Variants in FBXO3 observed in about 807,000 individuals in gnomAD.
FBXO3 encodes F-box only protein 3.
A neutral mutation model predicts 64.8 loss-of-function variants in FBXO3; 17 were observed. That is an observed-to-expected ratio of 0.26 (90% CI 0.18 to 0.39). FBXO3 has a LOEUF of 0.39. Among genes scored for constraint, FBXO3 ranks in the 10% least tolerant of loss-of-function variants. The probability of loss-of-function intolerance (pLI) is 1.00; values close to 1 mark genes in which losing one functional copy is unlikely to be tolerated. For synonymous variants in FBXO3, 182 were observed against 201.6 expected, an observed-to-expected ratio of 0.90 and a Z score of 0.82; for missense variants, 420 against 589.9, an observed-to-expected ratio of 0.71 and a Z score of 2.98.
At position 33,742,034 on chromosome 11, in the gene FBXO3, TTCC is replaced by T. The variant is rs745784212; in HGVS notation, c.1287_1289del (p.Glu433del). On this transcript the variant is annotated inframe_deletion, in exon 11 of 11. Coordinates refer to ENST00000265651, the MANE Select transcript of FBXO3 (RefSeq NM_012175.4). Reference sequence around the variant, plus strand: ...AATCATCATCCTCGTCTTCCTCCTCTTCCTCCTCCTCCTCTTCTTCCATCTCTT... The same window carrying T: ...AATCATCATCCTCGTCTTCCTCCTCTTCCTCCTCCTCTTCTTCCATCTCTT... The T allele has an allele frequency of 8.2e-4, 1,312 of 1,604,998 alleles. 17 individuals carry two copies. The East Asian group carries it at 0.017, about 20-fold the overall frequency.
Position 33,754,228 on chromosome 11 carries a change from C to A in FBXO3, c.724+227G>T, listed in dbSNP as rs1855033871. On this transcript the variant is annotated intron_variant, in intron 6 of 10. Coordinates refer to ENST00000265651, the MANE Select transcript of FBXO3 (RefSeq NM_012175.4). ...TTGCCTTATAGAAGAGTCCTCAGAG[C>A]ATGAGATTGTATATGGACTAGCTTT... is the stretch of plus-strand genomic sequence containing the variant. 9 of 432,316 alleles carry A rather than the reference C, an allele frequency of 2.1e-5. No individual in the cohort carries two copies. In the South Asian group the frequency reaches 4.6e-4, roughly 22 times the overall value. The allele number at this position is 432,316 out of a possible 1,614,324, so 26.8% of individuals were successfully genotyped here. A position where few individuals can be genotyped will look rare whatever the true frequency, so the allele number is the denominator to read the frequency against.
Position 33,774,493 on chromosome 11 carries a change from G to A in FBXO3, c.5C>T (p.Ala2Val). The change falls in exon 1 of 11, where the codon GCG becomes GTG. Residue 2 changes from alanine to valine, a missense_variant. By Grantham distance (64) the Ala-to-Val change is moderately conservative. This residue lies in a region of FBXO3 where 26 missense variants were observed against 16.1 expected (regional missense o/e 1.62). Transcript: ENST00000265651. The part of the protein sequence containing the change: M[A>V]AMETETAPLT... ...CGGCGCCGTCTCGGTCTCCATGGCC[G>A]CCATCTTGCCTGGCCCGGTGCAGGT... The A allele has an allele frequency of 6.4e-7, 1 of 1,556,764 alleles. No individual in the cohort carries two copies. Among genetic ancestry groups the A allele is most frequent in the African/African-American group, 1.4e-5 (1 of 72,342 alleles).
chr11:33,773,116 G>A (rs984838135), intron 1 of FBXO3: 8 of 152,258 alleles, frequency 5.3e-5, no homozygotes, highest in South Asian at 2.1e-4. Context: ...AGATATACAA[G>A]CCAGATGATA....
At chr11:33,747,664 A>AT (rs1854850215) in intron 9 of FBXO3, among the ~76,000 whole-genome samples, 1 of 152,106 alleles carries the variant, frequency 6.6e-6, no homozygotes. Context: ...AGCACCTGCC[A>AT]TGATGCCCAG....
chr11:33,752,512 A>G (rs2133600817), intron 6 of FBXO3, among the ~76,000 whole-genome samples: 1 of 152,306 alleles, frequency 6.6e-6, no homozygotes, highest in African/African-American at 2.4e-5. Context: ...TATTCTATTT[A>G]GGGAATGATA....
At chr11:33,765,939 C>T (rs976382336) in intron 3 of FBXO3, among the ~76,000 whole-genome samples, 8 of 152,136 alleles carry the variant, frequency 5.3e-5, no homozygotes, top group Admixed American at 1.3e-4. Context: ...CCTGCAGAAT[C>T]GTGAACCAAT....
rs74993946 is a variant in FBXO3, at chr11:33,762,986, T to A, written c.359-4385A>T. 3.4e-3 allele frequency among the ~76,000 whole-genome samples: 523 copies of A among 152,218 alleles called. 2 individuals are homozygous for A. Among genetic ancestry groups the A allele is most frequent in the African/African-American group, 0.012 (497 of 41,542 alleles). On this transcript the variant is annotated intron_variant, in intron 3 of 10. Transcript: ENST00000265651. ...AAGATAAGAGGATATTATGAAAAAC[T>A]TCATGTCAATAGATTTGAAAATAGA...
chr11:33,758,669 TCTG>T, intron 3 of FBXO3, 68 bp from the exon 4 acceptor site: 1 of 1,049,348 alleles, frequency 9.5e-7, no homozygotes, highest in Non-Finnish European at 1.4e-6. Context: ...ATGCAATCTA[TCTG>T]CTAACTAATG....
At chr11:33,752,634 G>A (rs1854990996) in intron 6 of FBXO3, among the ~76,000 whole-genome samples, 1 of 152,088 alleles carries the variant, frequency 6.6e-6, no homozygotes, top group African/African-American at 2.4e-5. Flanking sequence ...ATCTATTAAT[G>A]ACCCATTCTG....
intron 1 of FBXO3, chr11:33,774,161 T>A (rs1290203686): frequency 1.0e-5 from 5 of 476,460 alleles, no homozygotes; most frequent in Non-Finnish European, 1.9e-5. Flanking sequence ...GAGAGAGATA[T>A]CTCGTCGCTT....
intron 3 of FBXO3, among the ~76,000 whole-genome samples, chr11:33,768,135 A>T (rs1182673716): frequency 6.6e-6 from 1 of 151,774 alleles, no homozygotes; most frequent in African/African-American, 2.4e-5. Context: ...ACATCTATAC[A>T]ATGCCTTTCA....
intron 1 of FBXO3, chr11:33,772,763 C>G (rs1855539812): frequency 6.6e-6 from 1 of 152,174 alleles, no homozygotes; most frequent in African/African-American, 2.4e-5. Flanking sequence ...TTGTTCACTA[C>G]TGTACCCTCA....
At position 33,741,704 on chromosome 11, in the gene FBXO3, C is replaced by T. The variant is rs77561839; in HGVS notation, c.*204G>A. On this transcript the variant is annotated 3_prime_UTR_variant, in exon 11 of 11. Transcript: ENST00000265651. ...CTCCTGGAAGAGAAAAAAAAGATTC[C>T]CATTTCTTCCTCTACCTCAAAAACA... 1.4e-3 allele frequency: 575 copies of T among 403,494 alleles called. 1 individual carries two copies. Among genetic ancestry groups the T allele is most frequent in the Non-Finnish European group, 2.1e-3 (484 of 233,830 alleles). 25.0% of individuals were successfully genotyped at this position (403,494 alleles called of 1,614,324 possible).
intron 3 of FBXO3, among the ~76,000 whole-genome samples, chr11:33,760,570 A>T (rs538398761): frequency 3.3e-4 from 50 of 152,260 alleles, no homozygotes; most frequent in African/African-American, 1.1e-3. Context: ...GTTTGAGCCC[A>T]GGAGTTGGAG....
chr11:33,746,156 A>T (rs1854808190), intron 10 of FBXO3: 1 of 152,760 alleles, frequency 6.5e-6, no homozygotes, highest in Admixed American at 6.5e-5. Context: ...AGATAACTTC[A>T]GTGATGAATC....
intron 9 of FBXO3, 116 bp downstream of exon 9, chr11:33,748,661 A>C: frequency 3.6e-6 from 2 of 548,386 alleles, no homozygotes; most frequent in East Asian, 5.8e-5. Flanking sequence ...TTAATGCTTA[A>C]GGGATTAAAT....
Position 33,758,577 on chromosome 11 carries a change from T to C in FBXO3, c.383A>G (p.Asp128Gly). 6.2e-7 allele frequency: 1 copy of C among 1,608,104 alleles called. No homozygotes were observed. Among genetic ancestry groups the C allele is most frequent in the Non-Finnish European group, 8.5e-7 (1 of 1,175,570 alleles). Residue 128 changes from aspartate (D) to glycine (G), a missense_variant, in exon 4 of 11, where the codon GAT (aspartate) becomes GGT (glycine). Physicochemically the swap from Asp to Gly is moderately conservative, Grantham distance 94. Coordinates refer to ENST00000265651, the MANE Select transcript of FBXO3 (RefSeq NM_012175.4). ...LKEGAREEDL[D>G]AVEAQIGCKL... is the part of the protein sequence containing the mutation. ...GCAGCCAATCTGCGCTTCCACAGCA[T>C]CGAGGTCTTCCTCTCGAGCACCCTC...
At chr11:33,756,112 C>T in intron 4 of FBXO3, 137 bp from the exon 5 acceptor site, 1 of 620,604 alleles carries the variant, frequency 1.6e-6, no homozygotes, top group Non-Finnish European at 2.8e-6. Context: ...TCAGGAATAC[C>T]CAAAGCACTA....
intron 3 of FBXO3, among the ~76,000 whole-genome samples, chr11:33,760,009 C>CA (rs1855203552): frequency 2.0e-5 from 3 of 152,024 alleles, no homozygotes; most frequent in Admixed American, 2.0e-4. Flanking sequence ...CGGAAAAACA[C>CA]AAAAAGAGCC....
Sources: allele counts gnomAD v4.1 joint callset (sites outside exome capture counted in the v4.1 genomes callset), GRCh38; gene constraint gnomAD v4.1.1; regional missense constraint gnomAD v4.1.1; transcripts MANE v1.5; gene names NCBI Gene and HGNC (gene_info 2026-07-23, HGNC 2026-07-21).